The following GATAD1 variants were observed in gnomAD, a reference collection of about 807,000 sequenced individuals.
GATAD1 encodes GATA zinc finger domain containing 1.
GATAD1 carries 12 observed loss-of-function variants against 26.5 expected under a neutral mutation model. The ratio of observed to expected loss-of-function variants is 0.45; its 90% CI spans 0.29 to 0.73. GATAD1 has a LOEUF of 0.73. GATAD1 is among the 30% of genes least tolerant of loss of function. The probability of loss-of-function intolerance (pLI) is 0.10; values close to 1 mark genes in which losing one functional copy is unlikely to be tolerated. For missense variants in GATAD1, 266 were observed against 342.1 expected (o/e 0.78, Z 1.75); for synonymous variants, 129 against 133.1 (o/e 0.97, Z 0.21).
chr7:92,453,028 C>T (rs912560687), intron 3 of GATAD1, among the ~76,000 whole-genome samples: 7 of 152,246 alleles, frequency 4.6e-5, no homozygotes, highest in Middle Eastern at 3.4e-3. Context: ...TAGCAAGTAG[C>T]GGACTGTGGC....
chr7:92,491,615 T>C, the GATAD1 span: 984 of 693,266 alleles, frequency 1.4e-3, 30 homozygotes, highest in Admixed American at 0.023. Context: ...TTAGAAGCAT[T>C]TTTCAAAGAG....
chr7:92,463,979 T>G (rs909211477), downstream of GATAD1, among the ~76,000 whole-genome samples: 1 of 152,106 alleles, frequency 6.6e-6, no homozygotes, highest in African/African-American at 2.4e-5. Flanking sequence ...AAAAAAAGGT[T>G]AAAATTGTAA....
chr7:92,489,861 TC>T, the GATAD1 span: 1 of 1,613,950 alleles, frequency 6.2e-7, no homozygotes, highest in African/African-American at 1.3e-5. Context: ...TCCCAGGAAC[TC>T]CAGGCAAATC....
the GATAD1 span, chr7:92,487,446 A>G: frequency 6.9e-7 from 1 of 1,456,876 alleles, no homozygotes; most frequent in Non-Finnish European, 9.6e-7. Context: ...CAAATCAAAA[A>G]GAAGTATATT....
rs1295015449 is a variant in GATAD1, at chr7:92,459,960, T to G, written c.*3398T>G. On this transcript the variant is annotated 3_prime_UTR_variant, in exon 5 of 5. Transcript: ENST00000287957. ...TCAAGTAAAATTTAGATTGTTACAT[T>G]CTGGGTTAGTATTAGATTGTTTTTA... Among the ~76,000 whole-genome samples, 1 of 152,248 alleles carries G rather than the reference T, an allele frequency of 6.6e-6. No individual in the cohort carries two copies. The highest frequency in any genetic ancestry group is 1.5e-5 in the Non-Finnish European group (1 of 68,042).
intron 2 of GATAD1, chr7:92,449,128 T>G (rs2115846374): frequency 8.5e-7 from 1 of 1,171,226 alleles, no homozygotes; most frequent in South Asian, 2.9e-5. Context: ...AAAATATGGG[T>G]TTAAAAGAAA....
At chr7:92,452,292 A>G (rs1465230367) in intron 3 of GATAD1, among the ~76,000 whole-genome samples, 1 of 152,230 alleles carries the variant, frequency 6.6e-6, no homozygotes, top group Non-Finnish European at 1.5e-5. Context: ...ATTAAATGAT[A>G]AGGACAATAA....
At chr7:92,448,961 G>A in intron 2 of GATAD1, 84 bp downstream of exon 2, 3 of 1,395,630 alleles carry the variant, frequency 2.1e-6, no homozygotes, top group Non-Finnish European at 3.0e-6. Flanking sequence ...CATTGAACTT[G>A]GACTCTGCCC....
chr7:92,485,115 G>T, the GATAD1 span, among the ~76,000 whole-genome samples: 1 of 152,172 alleles, frequency 6.6e-6, no homozygotes, highest in Non-Finnish European at 1.5e-5. Context: ...GCTCAGTTAA[G>T]ATGGGGCAGG....
the GATAD1 span, among the ~76,000 whole-genome samples, chr7:92,476,622 C>G: frequency 6.6e-6 from 1 of 152,038 alleles, no homozygotes; most frequent in African/African-American, 2.4e-5. Flanking sequence ...CTTTGTCTCT[C>G]TCTCTCTTCT....
the GATAD1 span, chr7:92,470,190 G>C: frequency 1.3e-6 from 1 of 778,690 alleles, no homozygotes; most frequent in Non-Finnish European, 2.4e-6. Context: ...TATGGGTGTG[G>C]GCAGTGAAGG....
At chr7:92,460,799 AGAC>A (rs1305251752), downstream of GATAD1, among the ~76,000 whole-genome samples, 18 of 149,220 alleles carry the variant, frequency 1.2e-4, no homozygotes, top group Admixed American at 2.7e-4. Flanking sequence ...AAAAAAAAAA[AGAC>A]GGAAATTCCT....
At chr7:92,487,659 GA>G in the GATAD1 span, 35 of 456,908 alleles carry the variant, frequency 7.7e-5, no homozygotes, top group South Asian at 1.4e-4. Flanking sequence ...TAACAAACTA[GA>G]AAAAAAAATT....
the GATAD1 span, among the ~76,000 whole-genome samples, chr7:92,483,440 A>C: frequency 6.6e-6 from 1 of 152,196 alleles, no homozygotes; most frequent in African/African-American, 2.4e-5. Flanking sequence ...AGGTTAATTA[A>C]GTCCTGTTGT....
At chr7:92,478,223 T>G in the GATAD1 span, among the ~76,000 whole-genome samples, 1 of 152,160 alleles carries the variant, frequency 6.6e-6, no homozygotes, top group Non-Finnish European at 1.5e-5. Context: ...TCTCCAGGCG[T>G]TTTGCCCTCA....
At chr7:92,483,241 C>T in the GATAD1 span, among the ~76,000 whole-genome samples, 33 of 152,274 alleles carry the variant, frequency 2.2e-4, no homozygotes, top group Non-Finnish European at 3.4e-4. Flanking sequence ...GTCAGATTTC[C>T]GGCACTTGAA....
In GATAD1 at chr7:92,454,495, C is replaced by G. The variant is rs373528467; in HGVS notation, c.436-7C>G. The G allele has an allele frequency of 1.3e-6, 2 of 1,592,882 alleles. No homozygotes were observed. Among genetic ancestry groups the G allele is most frequent in the Non-Finnish European group, 8.6e-7 (1 of 1,161,034 alleles). On this transcript the variant is annotated splice_polypyrimidine_tract_variant and splice_region_variant and intron_variant, in intron 3 of 4. Transcript: ENST00000287957. ...TTCAATGTGGGATTATCTTCTGTTT[C>G]CCCCAGGGAGTATATTACCAAATTG...
At chr7:92,448,054 G>C (rs956583183) in intron 1 of GATAD1, 76 bp downstream of exon 1, 3 of 1,078,860 alleles carry the variant, frequency 2.8e-6, no homozygotes, top group Non-Finnish European at 3.5e-6. Context: ...GGCTGGGAGC[G>C]GGCGGGCGCG....
the GATAD1 span, among the ~76,000 whole-genome samples, chr7:92,476,439 A>G: frequency 1.5e-4 from 23 of 152,202 alleles, no homozygotes; most frequent in Admixed American, 2.6e-4. Flanking sequence ...CTTTCGGCCT[A>G]TGCTCTTATT....
Sources: gnomAD v4.1 joint callset for allele counts (sites outside exome capture counted in the v4.1 genomes callset) on GRCh38, gnomAD v4.1.1 for gene constraint, MANE v1.5 for transcripts, NCBI Gene and HGNC (gene_info 2026-07-23, HGNC 2026-07-21) for gene names.